The following DLGAP1 variants were observed in gnomAD, a reference collection of about 807,000 sequenced individuals.
DLGAP1 encodes the protein disks large-associated protein 1.
Under a neutral mutation model 90.8 loss-of-function variants are expected in DLGAP1, and 11 were observed. The ratio of observed to expected loss-of-function variants is 0.12; its 90% CI spans 0.08 to 0.20. DLGAP1 has a LOEUF of 0.20. Among genes scored for constraint, DLGAP1 ranks in the 10% least tolerant of loss-of-function variants. The probability of loss-of-function intolerance (pLI) is 1.00; values close to 1 mark genes in which losing one functional copy is unlikely to be tolerated. For missense variants in DLGAP1, 1,050 were observed against 1,333.8 expected, an observed-to-expected ratio of 0.79 and a Z score of 3.31; for synonymous variants, 558 against 540.7, an observed-to-expected ratio of 1.03 and a Z score of -0.44.
At chr18:4,059,309 T>C (rs1479558614) in intron 2 of DLGAP1, among the ~76,000 whole-genome samples, 2 of 152,212 alleles carry the variant, frequency 1.3e-5, no homozygotes, top group Non-Finnish European at 2.9e-5. Flanking sequence ...CATGGGTAAC[T>C]GTGTCTCCAT....
chr18:4,048,701 T>C (rs2075090848), intron 2 of DLGAP1, among the ~76,000 whole-genome samples: 1 of 152,194 alleles, frequency 6.6e-6, no homozygotes, highest in Non-Finnish European at 1.5e-5. Context: ...ATTCTGACTA[T>C]AAGTGCCAGC....
chr18:3,891,479 C>A (rs944880087), intron 3 of DLGAP1, among the ~76,000 whole-genome samples: 2 of 152,178 alleles, frequency 1.3e-5, no homozygotes, highest in African/African-American at 2.4e-5. Flanking sequence ...GGAATAGTAT[C>A]ATGGGTCTCC....
chr18:4,243,108 T>C (rs2078579247), intron 1 of DLGAP1, among the ~76,000 whole-genome samples: 1 of 152,194 alleles, frequency 6.6e-6, no homozygotes, highest in Non-Finnish European at 1.5e-5. Flanking sequence ...TTGTGCCTTG[T>C]GCTGTAGTGT....
At chr18:4,022,454 T>A (rs1463683802) in intron 2 of DLGAP1, among the ~76,000 whole-genome samples, 3 of 151,618 alleles carry the variant, frequency 2.0e-5, no homozygotes, top group Admixed American at 2.0e-4. Context: ...TGTGAAAAAT[T>A]TTTGCATTCA....
chr18:3,869,485 G>A (rs2070608881), intron 4 of DLGAP1, among the ~76,000 whole-genome samples: 1 of 152,212 alleles, frequency 6.6e-6, no homozygotes, highest in African/African-American at 2.4e-5. Context: ...GAGCCCAGGA[G>A]GTCAAGGCTA....
At chr18:3,766,740 A>G (rs1045775152) in intron 5 of DLGAP1, among the ~76,000 whole-genome samples, 1 of 152,196 alleles carries the variant, frequency 6.6e-6, no homozygotes, top group African/African-American at 2.4e-5. Context: ...AAAAGAGGAA[A>G]TCTTAAGGAA....
At chr18:3,862,950 T>C (rs946809476) in intron 4 of DLGAP1, among the ~76,000 whole-genome samples, 1 of 152,238 alleles carries the variant, frequency 6.6e-6, no homozygotes, top group Admixed American at 6.5e-5. Flanking sequence ...ACACCTCTAA[T>C]CACTGGGACA....
rs199859623 is a variant in DLGAP1, at chr18:3,639,359, G to GAGAAAAGAAAAGAAAAGAAAAGAAA, written c.1592-57136_1592-57112dup. The stretch of plus-strand genomic sequence containing the variant: ...CAACAGCGAGACTCCATCTCAAAAA[G>GAGAAAAGAAAAGAAAAGAAAAGAAA]AGAAAAGAAAAGAAAAGAAAAGAAA... On this transcript the variant is annotated intron_variant, in intron 7 of 12. Coordinates refer to ENST00000315677, the MANE Select transcript of DLGAP1 (RefSeq NM_004746.4). Among the ~76,000 whole-genome samples the GAGAAAAGAAAAGAAAAGAAAAGAAA allele has an allele frequency of 8.0e-3, 1,093 of 136,606 alleles. 29 individuals are homozygous for GAGAAAAGAAAAGAAAAGAAAAGAAA. The highest frequency in any genetic ancestry group is 0.029 in the African/African-American group (993 of 33,926). 89.6% of individuals were successfully genotyped at this position (136,606 alleles called of 152,430 possible).
At chr18:3,558,513 A>G (rs965364192) in intron 9 of DLGAP1, among the ~76,000 whole-genome samples, 7 of 152,166 alleles carry the variant, frequency 4.6e-5, no homozygotes, top group Admixed American at 1.3e-4. Flanking sequence ...GATTACAGGT[A>G]TTAGCCACCG....
intron 10 of DLGAP1, among the ~76,000 whole-genome samples, chr18:3,524,940 A>G (rs1337925957): frequency 2.6e-5 from 4 of 152,130 alleles, no homozygotes; most frequent in African/African-American, 9.7e-5. Context: ...TTCATTCCTG[A>G]CTGGCAGTTG....
chr18:3,696,000 C>G (rs1488580139), intron 7 of DLGAP1, among the ~76,000 whole-genome samples: 1 of 151,664 alleles, frequency 6.6e-6, no homozygotes, highest in Non-Finnish European at 1.5e-5. Flanking sequence ...GGCTCTCTGT[C>G]TATTACTGGT....
At chr18:4,201,345 T>C (rs934749479) in intron 1 of DLGAP1, among the ~76,000 whole-genome samples, 2 of 152,120 alleles carry the variant, frequency 1.3e-5, no homozygotes, top group East Asian at 3.9e-4. Context: ...CATGTGGCTA[T>C]CCAATTTTTC....
intron 4 of DLGAP1, among the ~76,000 whole-genome samples, chr18:3,843,883 T>G (rs572358715): frequency 6.6e-6 from 1 of 152,274 alleles, no homozygotes; most frequent in East Asian, 1.9e-4. Flanking sequence ...TGCCTAAAAA[T>G]TTTAGGTGAA....
chr18:4,436,778 G>A (rs920568798), intron 1 of DLGAP1, among the ~76,000 whole-genome samples: 1 of 152,210 alleles, frequency 6.6e-6, no homozygotes, highest in Non-Finnish European at 1.5e-5. Flanking sequence ...TCCTGAAGGT[G>A]AACCAGCTAT....
chr18:4,416,241 C>G (rs1725022270), intron 1 of DLGAP1, among the ~76,000 whole-genome samples: 1 of 152,106 alleles, frequency 6.6e-6, no homozygotes, highest in South Asian at 2.1e-4. Context: ...TATTTATTTT[C>G]AAGCATCCTG....
intron 5 of DLGAP1, among the ~76,000 whole-genome samples, chr18:3,808,962 AC>A (rs1479416885): frequency 1.3e-5 from 2 of 152,252 alleles, no homozygotes; most frequent in African/African-American, 4.8e-5. Flanking sequence ...TATTTTCTTT[AC>A]CAATACTACT....
chr18:3,568,656 T>C (rs1599286646), intron 8 of DLGAP1, among the ~76,000 whole-genome samples: 1 of 152,092 alleles, frequency 6.6e-6, no homozygotes, highest in Non-Finnish European at 1.5e-5. Context: ...TATCTTTATA[T>C]ATATGTCTAA....
intron 1 of DLGAP1, among the ~76,000 whole-genome samples, chr18:4,163,823 C>A (rs963032291): frequency 4.6e-5 from 7 of 152,306 alleles, no homozygotes; most frequent in Admixed American, 4.6e-4. Flanking sequence ...CTGCACCTCT[C>A]TTTTCCATTT....
chr18:4,351,546 A>G (rs934316310), intron 1 of DLGAP1, among the ~76,000 whole-genome samples: 2 of 152,314 alleles, frequency 1.3e-5, no homozygotes, highest in African/African-American at 4.8e-5. Flanking sequence ...AAAGATACAT[A>G]CATACATGGG....
Sources: gnomAD v4.1 joint callset for allele counts (sites outside exome capture counted in the v4.1 genomes callset) on GRCh38, gnomAD v4.1.1 for gene constraint, MANE v1.5 for transcripts, NCBI Gene and HGNC (gene_info 2026-07-23, HGNC 2026-07-21) for gene names.